Variants in MMD2 observed in about 807,000 individuals in gnomAD.
MMD2 encodes the protein monocyte to macrophage differentiation associated 2.
In MMD2, 30 loss-of-function variants were observed where a neutral mutation model predicts 33.5. The ratio of observed to expected loss-of-function variants is 0.90; its 90% confidence interval spans 0.67 to 1.22. The LOEUF is 1.22. Ranked by LOEUF, MMD2 falls within the 50% of genes most tolerant of loss-of-function variation. The pLI is 0.00. For missense variants in MMD2, 364 were observed against 325.4 expected (o/e 1.12, Z -0.91); for synonymous variants, 129 against 123.0 (o/e 1.05, Z -0.32).
intron 1 of MMD2, among the ~76,000 whole-genome samples, chr7:4,944,912 C>T (rs920789524): frequency 6.6e-5 from 10 of 150,988 alleles, no homozygotes; most frequent in African/African-American, 1.9e-4. Flanking sequence ...GGACTACAGG[C>T]GCCCGCCACC....
rs1041775353 is a variant in MMD2, at chr7:4,907,015, C to T, written c.*381G>A. On this transcript the variant is annotated 3_prime_UTR_variant, in exon 7 of 7. Transcript: ENST00000401401. ...GTAACAGAGAGGGAGGCCCTGGCCA[C>T]CCAGGTATAAACAACCCACAGGACT... is the stretch of plus-strand genomic sequence containing the variant. 2.6e-5 allele frequency: 6 copies of T among 233,126 alleles called. No individual in the cohort carries two copies. Among genetic ancestry groups the T allele is most frequent in the Non-Finnish European group, 5.0e-5 (6 of 119,364 alleles). 14.4% of individuals were successfully genotyped at this position (233,126 alleles called of 1,614,324 possible).
intron 3 of MMD2, among the ~76,000 whole-genome samples, chr7:4,918,097 A>G (rs1785185281): frequency 6.6e-6 from 1 of 152,234 alleles, no homozygotes; most frequent in African/African-American, 2.4e-5. Context: ...CTCCAGCCCC[A>G]GTCAAGCCAT....
At chr7:4,934,513 C>T (rs945394720) in intron 1 of MMD2, among the ~76,000 whole-genome samples, 12 of 152,204 alleles carry the variant, frequency 7.9e-5, no homozygotes, top group African/African-American at 2.7e-4. Flanking sequence ...TCGAAAGAGC[C>T]GACGTTTCCA....
At chr7:4,948,477 C>T (rs897479987) in intron 1 of MMD2, among the ~76,000 whole-genome samples, 21 of 151,902 alleles carry the variant, frequency 1.4e-4, no homozygotes, top group African/African-American at 4.1e-4. Context: ...GAGCCAAGAT[C>T]GCGCCACTGC....
rs952776491 is a variant in MMD2 at position 4,946,457 on chromosome 7, G to C, written c.47+12514C>G. On this transcript the variant is annotated intron_variant, in intron 1 of 6. Coordinates refer to ENST00000401401, the MANE Select transcript of MMD2 (RefSeq NM_198403.4). The surrounding 1 kb of genome is among the most constrained non-coding windows in gnomAD (Gnocchi z 5.0). Reference sequence around the variant, plus strand: ...GTCCAGTGATGCTGAAGGGAAGTGGGGGTGCAGAGTCTTCACTAAGGGAGG... The same window carrying C: ...GTCCAGTGATGCTGAAGGGAAGTGGCGGTGCAGAGTCTTCACTAAGGGAGG... 1.3e-5 allele frequency among the ~76,000 whole-genome samples: 2 copies of C among 152,148 alleles called. No homozygotes were observed. The highest frequency in any genetic ancestry group is 2.4e-5 in the African/African-American group (1 of 41,442).
At chr7:4,936,035 A>G (rs566269004) in intron 1 of MMD2, among the ~76,000 whole-genome samples, 26 of 152,058 alleles carry the variant, frequency 1.7e-4, no homozygotes, top group African/African-American at 5.5e-4. Flanking sequence ...AAATACAAAA[A>G]CTAGGCAGGC....
chr7:4,910,066 G>T, intron 5 of MMD2, 116 bp from the exon 6 acceptor site: 1 of 1,608,108 alleles, frequency 6.2e-7, no homozygotes, highest in Non-Finnish European at 8.5e-7. Flanking sequence ...TGAGAAGAAA[G>T]GACGCTTTCT....
intron 3 of MMD2, among the ~76,000 whole-genome samples, chr7:4,917,016 G>A (rs1454395491): frequency 2.6e-5 from 4 of 152,080 alleles, no homozygotes; most frequent in Non-Finnish European, 5.9e-5. Context: ...AGACTGCAGT[G>A]AGCCATGTTT....
intron 4 of MMD2, among the ~76,000 whole-genome samples, chr7:4,913,678 A>G (rs999245068): frequency 7.2e-6 from 1 of 138,394 alleles, no homozygotes; most frequent in Non-Finnish European, 1.5e-5. Context: ...AGATCACGCC[A>G]TTGCGTTCCA....
chr7:4,892,960 C>T, the MMD2 span, among the ~76,000 whole-genome samples: 1 of 152,146 alleles, frequency 6.6e-6, no homozygotes, highest in Admixed American at 6.6e-5. Flanking sequence ...ATGATCCTCA[C>T]GCCTCTACCT....
rs189483709 is a variant in MMD2, at chr7:4,932,501, C to T, written c.48-6969G>A. On this transcript the variant is annotated intron_variant, in intron 1 of 6. Transcript: ENST00000401401. ...GAGAGTCCTGTAACTGCCACCGCCACCATCAAGGTGAATAACAGATTCACC... is the reference window on the plus strand; with the variant it reads ...GAGAGTCCTGTAACTGCCACCGCCATCATCAAGGTGAATAACAGATTCACC... 2.4e-3 allele frequency among the ~76,000 whole-genome samples: 360 copies of T among 152,208 alleles called. 6 individuals carry two copies. The highest frequency in any genetic ancestry group is 8.4e-3 in the African/African-American group (349 of 41,528).
At chr7:4,935,982 C>T (rs1260993246) in intron 1 of MMD2, among the ~76,000 whole-genome samples, 8 of 152,012 alleles carry the variant, frequency 5.3e-5, no homozygotes, top group South Asian at 2.1e-4. Flanking sequence ...GTCAGGAGTT[C>T]GAGACCAGCC....
chr7:4,940,330 C>A lies in MMD2; in HGVS notation c.48-14798G>T, dbSNP rs896449753. 6.6e-6 allele frequency among the ~76,000 whole-genome samples: 1 copy of A among 152,182 alleles called. No homozygotes were observed. Among genetic ancestry groups the A allele is most frequent in the Non-Finnish European group, 1.5e-5 (1 of 68,028 alleles). On this transcript the variant is annotated intron_variant, in intron 1 of 6. Coordinates refer to ENST00000401401, the MANE Select transcript of MMD2 (RefSeq NM_198403.4). The surrounding 1 kb of genome is among the most constrained non-coding windows in gnomAD (Gnocchi z 5.0). ...GCCTGACCCAGCTGGGGTCTATGGCCCCCAGAAAGAAGCCTGACCCCTTTC... is the reference window on the plus strand; with the variant it reads ...GCCTGACCCAGCTGGGGTCTATGGCACCCAGAAAGAAGCCTGACCCCTTTC...
At chr7:4,911,742 G>A (rs1220793503) in intron 4 of MMD2, among the ~76,000 whole-genome samples, 1 of 151,864 alleles carries the variant, frequency 6.6e-6, no homozygotes, top group Non-Finnish European at 1.5e-5. Flanking sequence ...TCCGCCACCC[G>A]GGTTCAAGCG....
chr7:4,939,431 T>C (rs1785840663), intron 1 of MMD2, among the ~76,000 whole-genome samples: 2 of 151,634 alleles, frequency 1.3e-5, no homozygotes, highest in East Asian at 3.9e-4. Flanking sequence ...TGGGCTCAGC[T>C]GCCCAGGAGG....
chr7:4,896,855 C>T, the MMD2 span, among the ~76,000 whole-genome samples: 1 of 151,280 alleles, frequency 6.6e-6, no homozygotes, highest in Non-Finnish European at 1.5e-5. Context: ...TTTCTCTATT[C>T]TTTTCTTTTC....
At chr7:4,950,342 C>T (rs1248448379) in intron 1 of MMD2, among the ~76,000 whole-genome samples, 1 of 152,178 alleles carries the variant, frequency 6.6e-6, no homozygotes, top group East Asian at 1.9e-4. Flanking sequence ...AGGTGGTCCG[C>T]CTGCCTCGGC....
At chr7:4,919,094 A>T (rs942350081) in intron 3 of MMD2, among the ~76,000 whole-genome samples, 8 of 149,748 alleles carry the variant, frequency 5.3e-5, no homozygotes, top group African/African-American at 2.0e-4. Context: ...GTGAGACCCC[A>T]TCTCAAAAAA....
At chr7:4,912,229 G>A (rs1455010926) in intron 4 of MMD2, among the ~76,000 whole-genome samples, 3 of 152,212 alleles carry the variant, frequency 2.0e-5, no homozygotes, top group African/African-American at 7.2e-5. Context: ...TATGAACCAA[G>A]AAGAATAAGA....
Sources: allele counts gnomAD v4.1 joint callset (sites outside exome capture counted in the v4.1 genomes callset), GRCh38; gene constraint gnomAD v4.1.1; non-coding constraint Gnocchi (gnomAD v3.1); transcripts MANE v1.5; gene names NCBI Gene and HGNC (gene_info 2026-07-23, HGNC 2026-07-21).